Variants in PIKFYVE observed in about 807,000 individuals in gnomAD.
PIKFYVE encodes 1-phosphatidylinositol 3-phosphate 5-kinase.
In PIKFYVE, 122 loss-of-function variants were observed where a neutral mutation model predicts 257.9. The ratio of observed to expected loss-of-function variants is 0.47; its 90% CI spans 0.41 to 0.55. The LOEUF (loss-of-function observed/expected upper bound fraction) is 0.55, where lower values mean the gene tolerates loss of function less well. PIKFYVE is among the 20% of genes least tolerant of loss of function. The pLI is 0.00. For missense variants in PIKFYVE, 2,160 were observed against 2,536.6 expected (o/e 0.85, Z 3.19); for synonymous variants, 892 against 868.9 (o/e 1.03, Z -0.47).
rs770763443 is a variant in PIKFYVE, at chr2:208,350,899, T to C, written c.5563T>C (p.Trp1855Arg). ...FIRSLSHSSP[W>R]QARGGKSGAA... ...TCGTTCCCTCTCCCACTCATCACCC[T>C]GGCAGGCCCGGGGAGGCAAATCAGG... Residue 1855 changes from tryptophan (W) to arginine (R), a missense_variant, in exon 37 of 42, where the codon TGG becomes CGG. Coordinates refer to ENST00000264380, the MANE Select transcript of PIKFYVE (RefSeq NM_015040.4). 1 of 1,614,190 alleles carries C rather than the reference T, an allele frequency of 6.2e-7. No homozygotes were observed. The highest frequency in any genetic ancestry group is 1.1e-5 in the South Asian group (1 of 91,088).
chr2:208,297,135 T>C (rs1693091499), intron 7 of PIKFYVE, among the ~76,000 whole-genome samples: 1 of 152,222 alleles, frequency 6.6e-6, no homozygotes, highest in African/African-American at 2.4e-5. Context: ...AGTCAATGAA[T>C]GCTGTCTCTA....
In PIKFYVE at chr2:208,336,913, A is replaced by G. The variant is rs752517519; in HGVS notation, c.4596A>G (p.Gln1532=). Reference sequence around the variant, plus strand: ...CTCCAAGTCCTGGAAGACTGAGACAAGGGGAAGAAAGCAAGGTATGAAATG... The same window carrying G: ...CTCCAAGTCCTGGAAGACTGAGACAGGGGGAAGAAAGCAAGGTATGAAATG... ...SVPPSPGRLR[Q]GEESKISAMD... The change falls in exon 28 of 42, where the codon CAA becomes CAG. Residue 1532 remains glutamine, a synonymous_variant. Coordinates refer to ENST00000264380, the MANE Select transcript of PIKFYVE (RefSeq NM_015040.4). The G allele has an allele frequency of 6.2e-7, 1 of 1,611,022 alleles. No homozygotes were observed. The highest frequency in any genetic ancestry group is 1.1e-5 in the South Asian group (1 of 91,016).
intron 3 of PIKFYVE, 163 bp downstream of exon 3, chr2:208,273,896 C>T (rs1378820149): frequency 7.3e-7 from 1 of 1,365,406 alleles, no homozygotes; most frequent in East Asian, 2.5e-5. Context: ...AAAACTCTTA[C>T]CTCGGTAGTG....
Position 208,347,901 on chromosome 2 carries a change from C to A in PIKFYVE, c.5252C>A (p.Ala1751Glu), listed in dbSNP as rs1253289719. ...SGMLSFFRGT[A>E]GKSPDLSSQK... Reference sequence around the variant, plus strand: ...ATGTTGTCCTTCTTCAGAGGGACAGCAGGGAAAAGCCCCGATCTCTCTTCC... The same window carrying A: ...ATGTTGTCCTTCTTCAGAGGGACAGAAGGGAAAAGCCCCGATCTCTCTTCC... Residue 1751 changes from alanine to glutamate, a missense_variant, in exon 35 of 42, where the codon GCA (alanine) becomes GAA (glutamate). This residue lies in a region of PIKFYVE where 699 missense variants were observed against 855.8 expected (regional missense o/e 0.82). Transcript: ENST00000264380. 1 of 1,613,680 alleles carries A rather than the reference C, an allele frequency of 6.2e-7. No individual in the cohort carries two copies. Among genetic ancestry groups the A allele is most frequent in the Non-Finnish European group, 8.5e-7 (1 of 1,179,876 alleles).
rs58767639 is a variant in PIKFYVE, at chr2:208,268,895, T to G, written c.-10+2480T>G. Among the ~76,000 whole-genome samples, 992 of 152,234 alleles carry G rather than the reference T, an allele frequency of 6.5e-3. 12 individuals are homozygous for G. The highest frequency in any genetic ancestry group is 0.023 in the African/African-American group (939 of 41,548). On this transcript the variant is annotated intron_variant, in intron 1 of 41. Coordinates refer to ENST00000264380, the MANE Select transcript of PIKFYVE (RefSeq NM_015040.4). Reference sequence around the variant, plus strand: ...ATTATTGATCAGACAAAGCCTTAAGTAGTTAGAGAACGCGGATAGGCTAAA... The same window carrying G: ...ATTATTGATCAGACAAAGCCTTAAGGAGTTAGAGAACGCGGATAGGCTAAA...
intron 10 of PIKFYVE, among the ~76,000 whole-genome samples, chr2:208,303,842 G>A (rs760833068): frequency 5.3e-5 from 8 of 152,182 alleles, no homozygotes; most frequent in Non-Finnish European, 1.2e-4. Context: ...GTTCTGGAGA[G>A]AATTGCCCCA....
intron 31 of PIKFYVE, among the ~76,000 whole-genome samples, chr2:208,341,600 T>A (rs182024148): frequency 6.6e-6 from 1 of 152,262 alleles, no homozygotes; most frequent in Non-Finnish European, 1.5e-5. Context: ...GGTGCCAGCA[T>A]GGTTGGGTTC....
intron 20 of PIKFYVE, among the ~76,000 whole-genome samples, chr2:208,326,735 G>A (rs1303528983): frequency 6.6e-6 from 1 of 152,262 alleles, no homozygotes; most frequent in Middle Eastern, 3.4e-3. Context: ...CTTGGATGTG[G>A]TATGATAATC....
chr2:208,352,693 A>T lies in PIKFYVE; in HGVS notation c.5755A>T (p.Ile1919Phe). ...ALAKILGVYR[I>F]GYKNSQNNTE... is the part of the protein sequence containing the mutation. ...GGCCAAAATTCTTGGAGTTTACAGA[A>T]TTGGTTATAAGAACTCTCAGAACAA... The change falls in exon 39 of 42, where the codon ATT becomes TTT. Residue 1919 changes from isoleucine (I) to phenylalanine (F), a missense_variant. Ile to Phe is a conservative substitution (Grantham distance 21, BLOSUM62 0). Coordinates refer to ENST00000264380, the MANE Select transcript of PIKFYVE (RefSeq NM_015040.4). 1 of 1,613,798 alleles carries T rather than the reference A, an allele frequency of 6.2e-7. No individual in the cohort carries two copies. Among genetic ancestry groups the T allele is most frequent in the Non-Finnish European group, 8.5e-7 (1 of 1,179,808 alleles).
At chr2:208,273,981 TG>T (rs1559386675) in intron 3 of PIKFYVE, 2 of 1,600,190 alleles carry the variant, frequency 1.2e-6, no homozygotes, top group African/African-American at 1.3e-5. Flanking sequence ...ACAGATTTCT[TG>T]ACTATTTTTT....
intron 5 of PIKFYVE, among the ~76,000 whole-genome samples, chr2:208,285,460 CATA>C (rs1691443155): frequency 6.6e-6 from 1 of 152,056 alleles, no homozygotes; most frequent in South Asian, 2.1e-4. Flanking sequence ...ATGAATTTAT[CATA>C]ATGATGGCTC....
chr2:208,328,099 A>G, intron 20 of PIKFYVE, 81 bp from the exon 21 acceptor site: 1 of 1,607,386 alleles, frequency 6.2e-7, no homozygotes, highest in African/African-American at 1.3e-5. Flanking sequence ...AGGCTTTACA[A>G]ATAGAGTGGA....
In PIKFYVE at chr2:208,318,319, C is replaced by G. The variant is rs879673223; in HGVS notation, c.2082+378C>G. ...TAAAACTGATAGCTCTTCTAGTGCT[C>G]GGCTACAGAACTGTCAGTCTTCTTC... is the stretch of plus-strand genomic sequence containing the variant. On this transcript the variant is annotated intron_variant, in intron 16 of 41. Coordinates refer to ENST00000264380, the MANE Select transcript of PIKFYVE (RefSeq NM_015040.4). Among the ~76,000 whole-genome samples the G allele has an allele frequency of 5.3e-5, 8 of 152,270 alleles. No individual in the cohort carries two copies. In the South Asian group the frequency reaches 1.7e-3, roughly 32 times the overall value.
chr2:208,278,045 C>T (rs574740784), intron 5 of PIKFYVE, among the ~76,000 whole-genome samples: 121 of 152,262 alleles, frequency 7.9e-4, no homozygotes, highest in Non-Finnish European at 1.6e-3. Flanking sequence ...TCTTCCTTGA[C>T]GTAATTACAT....
In PIKFYVE at chr2:208,330,113, T is replaced by C. The variant is rs191172747; in HGVS notation, c.3791+200T>C. On this transcript the variant is annotated intron_variant, in intron 22 of 41. Coordinates refer to ENST00000264380, the MANE Select transcript of PIKFYVE (RefSeq NM_015040.4). ...GATCTCTTATCCAGAACATCCCTCA[T>C]ATCTCTGCCCATCTAATTACCCTAC... is the stretch of plus-strand genomic sequence containing the variant. Among the ~76,000 whole-genome samples the C allele has an allele frequency of 1.8e-3, 268 of 152,310 alleles. 1 individual carries two copies. Among genetic ancestry groups the C allele is most frequent in the Non-Finnish European group, 2.5e-3 (170 of 68,026 alleles).
At position 208,325,823 on chromosome 2, in the gene PIKFYVE, G is replaced by T. The variant is rs1696866047; in HGVS notation, c.3012G>T (p.Val1004=). The change falls in exon 20 of 42, where the codon GTG becomes GTT. Residue 1004 remains valine, a synonymous_variant. Transcript: ENST00000264380. The stretch of plus-strand genomic sequence containing the variant: ...CAGAGACTTTGCAGCAAACAGTTGT[G>T]CTGCAGGATCCCAAAAGCCAGATAA... The part of the protein sequence containing the change: ...EQPETLQQTV[V]LQDPKSQIRA... 6.2e-7 allele frequency: 1 copy of T among 1,613,944 alleles called. No homozygotes were observed.
Position 208,337,010 on chromosome 2 carries a change from T to TA in PIKFYVE, c.4611+84dup, listed in dbSNP as rs1390867411. On this transcript the variant is annotated intron_variant, in intron 28 of 41. Transcript: ENST00000264380. ...TTTATAATACTTAGCAGGGATAGTT[T>TA]AATATGTACTTTAGTAATGATATCC... The TA allele has an allele frequency of 2.7e-6, 3 of 1,105,216 alleles. No individual in the cohort carries two copies. In the African/African-American group the frequency reaches 4.7e-5, roughly 17 times the overall value. The allele number at this position is 1,105,216 out of a possible 1,614,324, so 68.5% of individuals were successfully genotyped here. A position where few individuals can be genotyped will look rare whatever the true frequency, so the allele number is the denominator to read the frequency against.
intron 5 of PIKFYVE, among the ~76,000 whole-genome samples, chr2:208,283,412 A>G (rs559156136): frequency 1.2e-4 from 18 of 152,314 alleles, no homozygotes; most frequent in African/African-American, 4.3e-4. Flanking sequence ...AACTTTCTTC[A>G]TGAAATGAAA....
intron 23 of PIKFYVE, among the ~76,000 whole-genome samples, chr2:208,333,017 G>C (rs912686906): frequency 1.3e-5 from 2 of 151,786 alleles, no homozygotes; most frequent in Admixed American, 1.3e-4. Flanking sequence ...GGTGGATCAC[G>C]AGGTCAGAAG....
Sources: allele counts gnomAD v4.1 joint callset (sites outside exome capture counted in the v4.1 genomes callset), GRCh38; gene constraint gnomAD v4.1.1; regional missense constraint gnomAD v4.1.1; transcripts MANE v1.5; gene names NCBI Gene and HGNC (gene_info 2026-07-23, HGNC 2026-07-21).